Variants in SWT1 observed in about 807,000 individuals in gnomAD.
SWT1 encodes the protein transcriptional protein SWT1.
A neutral mutation model predicts 107.3 loss-of-function variants in SWT1; 33 were observed. The observed-to-expected ratio is 0.31, with a 90% CI of 0.23 to 0.41. SWT1 has a LOEUF of 0.41. SWT1 is among the 10% of genes least tolerant of loss of function. SWT1 has a pLI of 1.00. For missense variants in SWT1, 898 were observed against 1,028.9 expected (o/e 0.87, Z 1.74); for synonymous variants, 345 against 348.3 (o/e 0.99, Z 0.11).
chr1:185,280,091 G>T (rs1664524041), intron 18 of SWT1, among the ~76,000 whole-genome samples: 1 of 152,092 alleles, frequency 6.6e-6, no homozygotes, highest in African/African-American at 2.4e-5. Context: ...TGGAGGGAGA[G>T]ACCAGGTGAA....
chr1:185,241,156 A>G (rs1661233035), intron 16 of SWT1, among the ~76,000 whole-genome samples: 1 of 152,170 alleles, frequency 6.6e-6, no homozygotes, highest in African/African-American at 2.4e-5. Context: ...TGTTGAAACT[A>G]AAGATTCTGT....
At chr1:185,196,295 A>G (rs1487837910) in intron 10 of SWT1, among the ~76,000 whole-genome samples, 1 of 152,046 alleles carries the variant, frequency 6.6e-6, no homozygotes, top group East Asian at 1.9e-4. Flanking sequence ...CAAAGATCAC[A>G]TGGTTGTAGA....
chr1:185,257,492 T>C (rs1662664513), intron 16 of SWT1, among the ~76,000 whole-genome samples: 1 of 152,034 alleles, frequency 6.6e-6, no homozygotes, highest in African/African-American at 2.4e-5. Context: ...GGTGCGCCGT[T>C]TTTTAAGCCG....
chr1:185,202,540 AGG>A (rs1239185703), intron 10 of SWT1, 112 bp from the exon 11 acceptor site: 2 of 788,758 alleles, frequency 2.5e-6, no homozygotes, highest in African/African-American at 3.6e-5. Context: ...TTCTTTCTTA[AGG>A]TATAGGCTGA....
chr1:185,255,893 TG>T (rs1315632250), intron 16 of SWT1, among the ~76,000 whole-genome samples: 1 of 151,628 alleles, frequency 6.6e-6, no homozygotes, highest in African/African-American at 2.4e-5. Context: ...CTTTACATTT[TG>T]GCATGATTTT....
intron 11 of SWT1, among the ~76,000 whole-genome samples, chr1:185,203,478 G>A (rs984648055): frequency 6.6e-5 from 10 of 151,890 alleles, no homozygotes; most frequent in Non-Finnish European, 1.2e-4. Flanking sequence ...AAAATTCGCC[G>A]GGCGTGGTGG....
rs1379526447 is a variant in SWT1 at position 185,266,091 on chromosome 1, T to C, written c.2442-5232T>C. Among the ~76,000 whole-genome samples the C allele has an allele frequency of 5.3e-5, 8 of 152,108 alleles. No homozygotes were observed. The South Asian group carries it at 1.5e-3, about 28-fold the overall frequency. ...TTTATTTTTTTTTTCTGAGATGGAGTCTCGCTCAGTTGCCCAGGCTGGAGT... is the reference window on the plus strand; with the variant it reads ...TTTATTTTTTTTTTCTGAGATGGAGCCTCGCTCAGTTGCCCAGGCTGGAGT... On this transcript the variant is annotated intron_variant, in intron 16 of 18. Transcript: ENST00000367500.
chr1:185,244,314 G>C (rs1571601147), intron 16 of SWT1, among the ~76,000 whole-genome samples: 1 of 152,174 alleles, frequency 6.6e-6, no homozygotes, highest in African/African-American at 2.4e-5. Context: ...AATCTAGATG[G>C]AATAGCCCAC....
intron 16 of SWT1, among the ~76,000 whole-genome samples, chr1:185,259,402 T>C (rs1662867071): frequency 6.6e-6 from 1 of 152,156 alleles, no homozygotes; most frequent in African/African-American, 2.4e-5. Context: ...CATACCATAA[T>C]TGCATAGTCA....
At chr1:185,185,532 A>G (rs1023693684) in intron 9 of SWT1, among the ~76,000 whole-genome samples, 2 of 152,162 alleles carry the variant, frequency 1.3e-5, no homozygotes, top group African/African-American at 2.4e-5. Flanking sequence ...GAGTTTATAC[A>G]TATATATTTA....
intron 10 of SWT1, among the ~76,000 whole-genome samples, chr1:185,191,863 T>C (rs969542138): frequency 3.9e-5 from 6 of 152,192 alleles, no homozygotes; most frequent in Non-Finnish European, 7.4e-5. Flanking sequence ...GATTAACAGA[T>C]ATACTATTTT....
intron 4 of SWT1, among the ~76,000 whole-genome samples, chr1:185,172,059 C>T (rs951189059): frequency 2.0e-5 from 3 of 152,168 alleles, no homozygotes; most frequent in African/African-American, 7.2e-5. Context: ...TGGGCTGTAA[C>T]CTAATTAAGG....
chr1:185,184,478 T>A (rs369506363), intron 8 of SWT1, 134 bp downstream of exon 8: 2 of 643,394 alleles, frequency 3.1e-6, no homozygotes, highest in Admixed American at 6.8e-5. Flanking sequence ...TTCAGTGTTA[T>A]AAGTTTATAA....
chr1:185,281,057 A>G (rs2102768945), intron 18 of SWT1: 1 of 266,048 alleles, frequency 3.8e-6, no homozygotes. Context: ...GACAAAGATG[A>G]TCTGATTTTT....
At chr1:185,175,668 A>T (rs985845220) in intron 5 of SWT1, among the ~76,000 whole-genome samples, 22 of 152,212 alleles carry the variant, frequency 1.4e-4, no homozygotes, top group African/African-American at 5.1e-4. Context: ...TCAAGGATTC[A>T]TAATAGAAAG....
chr1:185,225,903 A>C (rs753158303), intron 15 of SWT1, among the ~76,000 whole-genome samples: 19 of 152,340 alleles, frequency 1.2e-4, no homozygotes, highest in Non-Finnish European at 2.8e-4. Flanking sequence ...CATAAACATA[A>C]ACTATCTACT....
At chr1:185,236,415 CA>C (rs1472340881) in intron 16 of SWT1, among the ~76,000 whole-genome samples, 2 of 152,138 alleles carry the variant, frequency 1.3e-5, no homozygotes, top group Non-Finnish European at 2.9e-5. Context: ...AGTAATGCCA[CA>C]CATCTACAAC....
intron 16 of SWT1, among the ~76,000 whole-genome samples, chr1:185,260,483 C>A (rs1403957615): frequency 1.3e-5 from 2 of 152,082 alleles, no homozygotes; most frequent in African/African-American, 4.8e-5. Flanking sequence ...GAAAATGAAT[C>A]TTTAACATCA....
At chr1:185,259,528 A>G (rs527819759) in intron 16 of SWT1, among the ~76,000 whole-genome samples, 2 of 152,272 alleles carry the variant, frequency 1.3e-5, no homozygotes, top group Admixed American at 1.3e-4. Flanking sequence ...ATACATCAGA[A>G]TGCCCACTTA....
Sources: gnomAD v4.1 joint callset for allele counts (sites outside exome capture counted in the v4.1 genomes callset) on GRCh38, gnomAD v4.1.1 for gene constraint, MANE v1.5 for transcripts, NCBI Gene and HGNC (gene_info 2026-07-23, HGNC 2026-07-21) for gene names.